Variants in GMDS observed in about 807,000 individuals in gnomAD.
GMDS encodes the protein GDP-mannose 4,6 dehydratase.
Under a neutral mutation model 49.9 loss-of-function variants are expected in GMDS, and 20 were observed. The ratio of observed to expected loss-of-function variants is 0.40; its 90% CI spans 0.28 to 0.58. GMDS has a LOEUF of 0.58. GMDS is among the 20% of genes least tolerant of loss of function. The probability of loss-of-function intolerance (pLI) is 0.42; values close to 1 mark genes in which losing one functional copy is unlikely to be tolerated. For synonymous variants in GMDS, 177 were observed against 178.6 expected (o/e 0.99, Z 0.07); for missense variants, 362 against 481.4 (o/e 0.75, Z 2.32).
chr6:2,018,978 C>G (rs1768083903), intron 4 of GMDS, among the ~76,000 whole-genome samples: 1 of 151,986 alleles, frequency 6.6e-6, no homozygotes, highest in Admixed American at 6.6e-5. Flanking sequence ...TCCCATTTTT[C>G]CACAACCTCA....
Position 1,766,912 on chromosome 6 carries a change from C to T in GMDS, c.772-24326G>A, listed in dbSNP as rs1055953430. 8.5e-5 allele frequency among the ~76,000 whole-genome samples: 13 copies of T among 152,170 alleles called. No homozygotes were observed. The highest frequency in any genetic ancestry group is 1.4e-4 in the African/African-American group (6 of 41,440). ...TCAGCAATCTGGCTTAAAGGAGCAC[C>T]GGGTAAGGGTTCTTTATTTCCTGCT... On this transcript the variant is annotated intron_variant, in intron 7 of 10. Transcript: ENST00000380815. This position sits in a 1 kb window ranked among gnomAD's most constrained non-coding sequence, Gnocchi z 4.5.
intron 9 of GMDS, among the ~76,000 whole-genome samples, chr6:1,633,050 G>T (rs997664404): frequency 2.0e-5 from 3 of 152,182 alleles, no homozygotes; most frequent in Non-Finnish European, 4.4e-5. Flanking sequence ...ATTCAAAATT[G>T]CACAGCTGCT....
chr6:1,877,885 G>T (rs558152720), intron 7 of GMDS, among the ~76,000 whole-genome samples: 2 of 152,158 alleles, frequency 1.3e-5, no homozygotes, highest in South Asian at 4.1e-4. Flanking sequence ...AAATATTTTT[G>T]CTATTTGAAG....
intron 1 of GMDS, among the ~76,000 whole-genome samples, chr6:2,224,580 T>C (rs1332412413): frequency 2.6e-5 from 4 of 152,234 alleles, no homozygotes; most frequent in South Asian, 2.1e-4. Context: ...TTTATAGTTA[T>C]AGGAGCGAAG....
At chr6:2,239,329 CA>C (rs60419938) in intron 1 of GMDS, among the ~76,000 whole-genome samples, 4,958 of 100,994 alleles carry the variant, frequency 0.049, 174 homozygotes, top group African/African-American at 0.12. Context: ...AGATCTGTCT[CA>C]AAAAAAAAAA....
chr6:1,847,376 G>C (rs1342642837), intron 7 of GMDS, among the ~76,000 whole-genome samples: 5 of 152,188 alleles, frequency 3.3e-5, no homozygotes, highest in Admixed American at 3.3e-4. Context: ...AAGAAATCTA[G>C]AAGATGGTGA....
intron 7 of GMDS, among the ~76,000 whole-genome samples, chr6:1,745,314 T>C (rs1034753307): frequency 1.3e-5 from 2 of 150,308 alleles, no homozygotes; most frequent in Non-Finnish European, 3.0e-5. Context: ...GAAACTTGAC[T>C]GTTGGCTACT....
intron 9 of GMDS, among the ~76,000 whole-genome samples, chr6:1,675,189 G>A (rs996779197): frequency 8.6e-5 from 13 of 152,010 alleles, no homozygotes; most frequent in Non-Finnish European, 1.5e-4. Flanking sequence ...TGCCTGCCTC[G>A]GCCTCCCAAA....
At chr6:2,027,119 G>C (rs1255621873) in intron 4 of GMDS, among the ~76,000 whole-genome samples, 1 of 152,192 alleles carries the variant, frequency 6.6e-6, no homozygotes, top group Non-Finnish European at 1.5e-5. Flanking sequence ...GCTCCATGAA[G>C]AAGAGGACCC....
At chr6:1,935,490 G>C (rs935194325) in intron 6 of GMDS, among the ~76,000 whole-genome samples, 1 of 152,138 alleles carries the variant, frequency 6.6e-6, no homozygotes, top group Non-Finnish European at 1.5e-5. Context: ...CTACAATTAA[G>C]TCTCAATGGA....
intron 9 of GMDS, among the ~76,000 whole-genome samples, chr6:1,716,663 C>CGG: frequency 6.6e-6 from 1 of 152,184 alleles, no homozygotes; most frequent in East Asian, 1.9e-4. Context: ...TCAGGGTTCC[C>CGG]AGACTGGGCC....
intron 1 of GMDS, among the ~76,000 whole-genome samples, chr6:2,167,310 T>G (rs545532218): frequency 6.6e-6 from 1 of 152,276 alleles, no homozygotes; most frequent in African/African-American, 2.4e-5. Flanking sequence ...TATTCTGTCT[T>G]CTTGATACTT....
Position 2,191,909 on chromosome 6 carries a change from A to G in GMDS, c.102+53412T>C, listed in dbSNP as rs1198190569. ...AGCCAGGCCACCAGTCCCACAGACCACACTGCAGGCTTATGGTGACTTTTC... is the reference window on the plus strand; with the variant it reads ...AGCCAGGCCACCAGTCCCACAGACCGCACTGCAGGCTTATGGTGACTTTTC... On this transcript the variant is annotated intron_variant, in intron 1 of 10. Coordinates refer to ENST00000380815, the MANE Select transcript of GMDS (RefSeq NM_001500.4). This position sits in a 1 kb window ranked among gnomAD's most constrained non-coding sequence, Gnocchi z 4.6. 6.6e-6 allele frequency among the ~76,000 whole-genome samples: 1 copy of G among 152,194 alleles called. No individual in the cohort carries two copies. Among genetic ancestry groups the G allele is most frequent in the Non-Finnish European group, 1.5e-5 (1 of 68,024 alleles).
At chr6:1,717,964 T>G (rs1766230968) in intron 9 of GMDS, among the ~76,000 whole-genome samples, 1 of 152,228 alleles carries the variant, frequency 6.6e-6, no homozygotes, top group East Asian at 1.9e-4. Flanking sequence ...TGCCAATTAA[T>G]GTAACTCTTT....
chr6:2,215,960 A>G (rs968937591), intron 1 of GMDS, among the ~76,000 whole-genome samples: 1 of 152,226 alleles, frequency 6.6e-6, no homozygotes, highest in Non-Finnish European at 1.5e-5. Flanking sequence ...ACCAGAATTT[A>G]CTGTAAAAAA....
At chr6:1,777,158 T>C (rs1287030826) in intron 7 of GMDS, among the ~76,000 whole-genome samples, 1 of 152,268 alleles carries the variant, frequency 6.6e-6, no homozygotes, top group Non-Finnish European at 1.5e-5. Flanking sequence ...GCCATACCCC[T>C]AATCCTCACG....
intron 9 of GMDS, among the ~76,000 whole-genome samples, chr6:1,681,669 G>A (rs1384711125): frequency 1.3e-5 from 2 of 152,198 alleles, no homozygotes; most frequent in Non-Finnish European, 2.9e-5. Flanking sequence ...GTGCTGGAAG[G>A]TGCTAAAGAG....
intron 9 of GMDS, among the ~76,000 whole-genome samples, chr6:1,655,496 TACACACAC>T (rs70989195): frequency 1.9e-5 from 1 of 53,540 alleles, no homozygotes; most frequent in South Asian, 5.0e-4. Flanking sequence ...CACACACACA[TACACACAC>T]ACACACACAC....
intron 4 of GMDS, among the ~76,000 whole-genome samples, chr6:1,992,007 G>A (rs1490112709): frequency 6.6e-6 from 1 of 152,224 alleles, no homozygotes; most frequent in Admixed American, 6.5e-5. Flanking sequence ...CATGGAAGGA[G>A]TCCCCCACCT....
Sources: gnomAD v4.1 joint callset for allele counts (sites outside exome capture counted in the v4.1 genomes callset) on GRCh38, gnomAD v4.1.1 for gene constraint, Gnocchi (gnomAD v3.1) non-coding constraint, MANE v1.5 for transcripts, NCBI Gene and HGNC (gene_info 2026-07-23, HGNC 2026-07-21) for gene names.